INSYN2A: variants seen among roughly 807,000 people sequenced by gnomAD.
INSYN2A encodes the protein inhibitory synaptic factor 2A.
A neutral mutation model predicts 39.4 loss-of-function variants in INSYN2A; 17 were observed. The ratio of observed to expected loss-of-function variants is 0.43; its 90% CI spans 0.30 to 0.65. The LOEUF is 0.65. INSYN2A is among the 30% of genes least tolerant of loss of function. INSYN2A has a pLI of 0.14. For synonymous variants in INSYN2A, 255 were observed against 265.7 expected (o/e 0.96, Z 0.39); for missense variants, 595 against 631.2 (o/e 0.94, Z 0.61).
At position 127,175,137 on chromosome 10, in the gene INSYN2A, TG is replaced by T; in HGVS notation, c.1184+74del. ...GCTGGCTTTAGTCTCATTACAGACT[TG>T]GGTTTGGGGCTACAGATGGACTCTG... is the stretch of plus-strand genomic sequence containing the variant. On this transcript the variant is annotated intron_variant, in intron 4 of 5. Coordinates refer to ENST00000522781, the MANE Select transcript of INSYN2A (RefSeq NM_001039762.3). This position sits in a 1 kb window ranked among gnomAD's most constrained non-coding sequence, Gnocchi z 6.3. The T allele has an allele frequency of 7.8e-7, 1 of 1,286,512 alleles. No homozygotes were observed. The highest frequency in any genetic ancestry group is 1.1e-6 in the Non-Finnish European group (1 of 913,628). The allele number at this position is 1,286,512 out of a possible 1,614,324, so 79.7% of individuals were successfully genotyped here.
intron 4 of INSYN2A, among the ~76,000 whole-genome samples, chr10:127,168,404 T>C (rs2054270934): frequency 6.6e-6 from 1 of 152,244 alleles, no homozygotes; most frequent in Admixed American, 6.5e-5. Context: ...AACAACCTTT[T>C]TGCTTCTGAT....
intron 4 of INSYN2A, among the ~76,000 whole-genome samples, chr10:127,162,584 A>G (rs570053208): frequency 6.6e-6 from 1 of 152,264 alleles, no homozygotes; most frequent in East Asian, 1.9e-4. Context: ...CACACATCCC[A>G]TTCCCCTAAA....
intron 4 of INSYN2A, among the ~76,000 whole-genome samples, chr10:127,166,960 T>C (rs528916557): frequency 5.3e-5 from 8 of 152,146 alleles, no homozygotes; most frequent in Non-Finnish European, 1.0e-4. Flanking sequence ...TATTTTGGCA[T>C]TCTGCACAGG....
chr10:127,160,250 A>G lies in INSYN2A; in HGVS notation c.1185-6327T>C, dbSNP rs148004919. Among the ~76,000 whole-genome samples, 611 of 152,336 alleles carry G rather than the reference A, an allele frequency of 4.0e-3. 1 individual carries two copies. Among genetic ancestry groups the G allele is most frequent in the Admixed American group, 7.2e-3 (110 of 15,306 alleles). On this transcript the variant is annotated intron_variant, in intron 4 of 5. Transcript: ENST00000522781. Reference sequence around the variant, plus strand: ...GTGGAAACTAATTTTACAGTACCTAATAGTAATTACAGTACTAGTATTGGG... The same window carrying G: ...GTGGAAACTAATTTTACAGTACCTAGTAGTAATTACAGTACTAGTATTGGG...
At chr10:127,184,784 C>T (rs1240589618) in intron 2 of INSYN2A, among the ~76,000 whole-genome samples, 2 of 152,160 alleles carry the variant, frequency 1.3e-5, no homozygotes, top group East Asian at 3.9e-4. Flanking sequence ...GCGCCCTGGT[C>T]CTCCTTCCTC....
intron 2 of INSYN2A, among the ~76,000 whole-genome samples, chr10:127,189,089 G>T (rs985171645): frequency 7.8e-4 from 119 of 152,334 alleles, no homozygotes; most frequent in African/African-American, 2.8e-3. Context: ...ACCTTGGGAT[G>T]TGTTGTGCAT....
chr10:127,196,511 C>T lies in INSYN2A; in HGVS notation c.-909G>A, dbSNP rs1268630331. Among the ~76,000 whole-genome samples, 1 of 147,904 alleles carries T rather than the reference C, an allele frequency of 6.8e-6. No individual in the cohort carries two copies. The highest frequency in any genetic ancestry group is 1.5e-5 in the Non-Finnish European group (1 of 66,618). On this transcript the variant is annotated 5_prime_UTR_variant, in exon 1 of 6. Coordinates refer to ENST00000522781, the MANE Select transcript of INSYN2A (RefSeq NM_001039762.3). ...CCAGGTCCCAGCTACTCCGCGGAGCCGGGCGGCCAGAGGCGAGGGCGCCCC... is the reference window on the plus strand; with the variant it reads ...CCAGGTCCCAGCTACTCCGCGGAGCTGGGCGGCCAGAGGCGAGGGCGCCCC...
intron 4 of INSYN2A, among the ~76,000 whole-genome samples, chr10:127,167,723 CTGCCCG>C (rs2054208905): frequency 6.6e-6 from 1 of 152,140 alleles, no homozygotes; most frequent in African/African-American, 2.4e-5. Flanking sequence ...ATCAGCTCCC[CTGCCCG>C]TGACACCAAA....
intron 2 of INSYN2A, among the ~76,000 whole-genome samples, chr10:127,192,280 G>C (rs2056813248): frequency 6.6e-6 from 1 of 152,178 alleles, no homozygotes; most frequent in Admixed American, 6.5e-5. Flanking sequence ...TGACTTTGGG[G>C]AGAGTTATTT....
At chr10:127,155,523 T>C (rs1206328599) in intron 4 of INSYN2A, among the ~76,000 whole-genome samples, 1 of 152,188 alleles carries the variant, frequency 6.6e-6, no homozygotes, top group Non-Finnish European at 1.5e-5. Context: ...CATTCCGTTC[T>C]CCCGTTGGCT....
Position 127,176,186 on chromosome 10 carries a change from C to A in INSYN2A, c.210G>T (p.Gly70=). 6.2e-7 allele frequency: 1 copy of A among 1,614,144 alleles called. No individual in the cohort carries two copies. The highest frequency in any genetic ancestry group is 2.2e-5 in the East Asian group (1 of 44,844). Residue 70 remains glycine, a synonymous_variant, in exon 4 of 6, where the codon GGG becomes GGT. Transcript: ENST00000522781. This position sits in a 1 kb window ranked among gnomAD's most constrained non-coding sequence, Gnocchi z 4.4. ...RDTQLSSGQL[G]EKREAKPVSC... is the part of the protein sequence containing the mutation. Reference sequence around the variant, plus strand: ...ACACGGGCTTGGCCTCCCGCTTCTCCCCCAGCTGGCCCGAGGACAGCTGTG... The same window carrying A: ...ACACGGGCTTGGCCTCCCGCTTCTCACCCAGCTGGCCCGAGGACAGCTGTG...
intron 4 of INSYN2A, among the ~76,000 whole-genome samples, chr10:127,155,559 G>A (rs1471777130): frequency 6.6e-6 from 1 of 152,122 alleles, no homozygotes; most frequent in Non-Finnish European, 1.5e-5. Context: ...GGGATGAACA[G>A]CCTGTGCCTT....
At chr10:127,179,370 G>T (rs145099008) in intron 2 of INSYN2A, among the ~76,000 whole-genome samples, 217 of 152,268 alleles carry the variant, frequency 1.4e-3, no homozygotes, top group Non-Finnish European at 9.7e-4. Context: ...TTCGTTGTTA[G>T]TAAAAAAATG....
intron 5 of INSYN2A, among the ~76,000 whole-genome samples, chr10:127,151,983 T>C (rs2052536474): frequency 1.3e-5 from 2 of 149,682 alleles, no homozygotes; most frequent in South Asian, 4.3e-4. Context: ...TCATTTAAAT[T>C]ATTTCAGTTA....
intron 5 of INSYN2A, among the ~76,000 whole-genome samples, chr10:127,146,615 A>G (rs907422237): frequency 1.2e-4 from 18 of 152,080 alleles, no homozygotes; most frequent in African/African-American, 3.9e-4. Context: ...TCATCTTCCT[A>G]CCCTGTCACT....
At chr10:127,154,149 A>ATT (rs2052793138) in intron 4 of INSYN2A, among the ~76,000 whole-genome samples, 1 of 152,244 alleles carries the variant, frequency 6.6e-6, no homozygotes, top group Non-Finnish European at 1.5e-5. Flanking sequence ...AAGTGAACAT[A>ATT]AGCTCCTGGA....
chr10:127,172,679 A>C (rs2054688649), intron 4 of INSYN2A, among the ~76,000 whole-genome samples: 1 of 152,236 alleles, frequency 6.6e-6, no homozygotes, highest in Non-Finnish European at 1.5e-5. Flanking sequence ...GAATGTTCCC[A>C]GGAACACAAC....
rs2050641226 is a variant in INSYN2A at position 127,135,793 on chromosome 10, C to T, written c.*2044G>A. 1 of 152,342 alleles carries T rather than the reference C, an allele frequency of 6.6e-6. No individual in the cohort carries two copies. The highest frequency in any genetic ancestry group is 1.5e-5 in the Non-Finnish European group (1 of 68,000). The allele number at this position is 152,342 out of a possible 1,614,324, so 9.4% of individuals were successfully genotyped here. A position where few individuals can be genotyped will look rare whatever the true frequency, so the allele number is the denominator to read the frequency against. ...GACATTATTTTGTGTACTAGGATGT[C>T]CTCTTGTTTAGACAGATTTGTGTTA... is the stretch of plus-strand genomic sequence containing the variant. On this transcript the variant is annotated 3_prime_UTR_variant, in exon 6 of 6. Transcript: ENST00000522781.
rs530462302 is a variant in INSYN2A at position 127,189,557 on chromosome 10, G to A, written c.-269+3048C>T. Among the ~76,000 whole-genome samples the A allele has an allele frequency of 2.9e-3, 439 of 152,322 alleles. 2 individuals are homozygous for A. The highest frequency in any genetic ancestry group is 5.6e-3 in the Non-Finnish European group (384 of 68,022). On this transcript the variant is annotated intron_variant, in intron 2 of 5. Transcript: ENST00000522781. ...CAAGACTAAAATATAAATAGCAAGT[G>A]CAAAACAAATTAAATGAGGATATGA...
Sources: gnomAD v4.1 joint callset for allele counts (sites outside exome capture counted in the v4.1 genomes callset) on GRCh38, gnomAD v4.1.1 for gene constraint, Gnocchi (gnomAD v3.1) non-coding constraint, MANE v1.5 for transcripts, NCBI Gene and HGNC (gene_info 2026-07-23, HGNC 2026-07-21) for gene names.